The following CADM2 variants were observed in gnomAD, a reference collection of about 807,000 sequenced individuals.
The protein encoded by CADM2 is cell adhesion molecule 2, also known as immunoglobulin superfamily member 4D.
CADM2 carries 12 observed loss-of-function variants against 49.8 expected under a neutral mutation model. That is an observed-to-expected ratio of 0.24 (90% confidence interval 0.15 to 0.39). The LOEUF is 0.39. Among genes scored for constraint, CADM2 ranks in the 10% least tolerant of loss-of-function variants. CADM2 has a pLI of 1.00. For synonymous variants in CADM2, 214 were observed against 175.4 expected, an observed-to-expected ratio of 1.22 and a Z score of -1.74; for missense variants, 378 against 492.3, an observed-to-expected ratio of 0.77 and a Z score of 2.20.
At chr3:85,854,921 A>G (rs2075250281) in intron 3 of CADM2, among the ~76,000 whole-genome samples, 1 of 152,176 alleles carries the variant, frequency 6.6e-6, no homozygotes, top group South Asian at 2.1e-4. Context: ...ACATTGGCCC[A>G]GAATATTCTA....
At chr3:85,594,760 T>A (rs2063197297) in intron 1 of CADM2, among the ~76,000 whole-genome samples, 1 of 152,048 alleles carries the variant, frequency 6.6e-6, no homozygotes, top group South Asian at 2.1e-4. Flanking sequence ...TAAAAATGCT[T>A]TGTTTATAAA....
intron 8 of CADM2, among the ~76,000 whole-genome samples, chr3:86,043,029 GC>G (rs1246290979): frequency 1.3e-5 from 2 of 152,040 alleles, no homozygotes; most frequent in African/African-American, 2.4e-5. Flanking sequence ...AAATTCAACA[GC>G]CCTTCATGCT....
At chr3:85,786,414 T>A (rs977954243) in intron 2 of CADM2, among the ~76,000 whole-genome samples, 2 of 152,060 alleles carry the variant, frequency 1.3e-5, no homozygotes, top group Non-Finnish European at 2.9e-5. Flanking sequence ...TAGGGTAATG[T>A]TCCCCTAGAT....
chr3:85,470,996 A>T (rs1235851159), intron 1 of CADM2, among the ~76,000 whole-genome samples: 1 of 152,222 alleles, frequency 6.6e-6, no homozygotes, highest in Non-Finnish European at 1.5e-5. Context: ...TTTATTGTTT[A>T]ATCATGGTAT....
intron 1 of CADM2, among the ~76,000 whole-genome samples, chr3:85,147,640 G>A (rs62250646): frequency 0.011 from 1,678 of 152,088 alleles, 10 homozygotes; most frequent in Non-Finnish European, 0.018. Flanking sequence ...TCATAGATAT[G>A]TATTCATTTA....
chr3:85,398,725 G>C (rs1233874111), intron 1 of CADM2, among the ~76,000 whole-genome samples: 2 of 152,172 alleles, frequency 1.3e-5, no homozygotes, highest in Admixed American at 6.5e-5. Context: ...GCATCTAATT[G>C]TGGTTTTGAT....
chr3:86,026,587 A>C (rs1733933846), intron 8 of CADM2, among the ~76,000 whole-genome samples: 2 of 152,328 alleles, frequency 1.3e-5, no homozygotes, highest in Admixed American at 1.3e-4. Context: ...AAATGCTACT[A>C]TCAGGTATGT....
rs138551206 is a variant in CADM2, at chr3:85,006,925, C to T, written c.61+47257C>T. 5.1e-3 allele frequency among the ~76,000 whole-genome samples: 782 copies of T among 152,094 alleles called. 6 individuals are homozygous for T. The highest frequency in any genetic ancestry group is 0.018 in the African/African-American group (735 of 41,494). On this transcript the variant is annotated intron_variant, in intron 1 of 9. Coordinates refer to ENST00000383699, the MANE Select transcript of CADM2 (RefSeq NM_001167675.2). ...TGCAACATCTTGACCATTATACATT[C>T]GTGCATTGATTATCCCTTAGGGTAT...
At chr3:85,578,567 C>G (rs1160794506) in intron 1 of CADM2, among the ~76,000 whole-genome samples, 2 of 152,292 alleles carry the variant, frequency 1.3e-5, no homozygotes, top group Non-Finnish European at 2.9e-5. Context: ...GCACTTGAAA[C>G]CATAATTTAT....
chr3:84,985,084 C>T (rs2032476210), intron 1 of CADM2, among the ~76,000 whole-genome samples: 4 of 152,056 alleles, frequency 2.6e-5, no homozygotes, highest in Admixed American at 2.6e-4. Context: ...ATGTTTTGGG[C>T]TGAAGAGTTA....
At chr3:85,226,250 A>ATTTTTT (rs149057525) in intron 1 of CADM2, among the ~76,000 whole-genome samples, 97 of 145,634 alleles carry the variant, frequency 6.7e-4, no homozygotes, top group Middle Eastern at 3.5e-3. Context: ...CTGGTCCTGG[A>ATTTTTT]TTTTTTTTTT....
chr3:85,023,433 T>C (rs2200472), intron 1 of CADM2, among the ~76,000 whole-genome samples: 15,949 of 152,012 alleles, frequency 0.1, 920 homozygotes, highest in Admixed American at 0.15. Flanking sequence ...GCTATATAGA[T>C]TGCACCAATT....
intron 1 of CADM2, among the ~76,000 whole-genome samples, chr3:85,408,759 C>A (rs1486888640): frequency 1.3e-5 from 2 of 152,142 alleles, no homozygotes; most frequent in African/African-American, 4.8e-5. Flanking sequence ...TCTGAAGGAG[C>A]AAACATATTT....
chr3:85,978,184 G>T (rs186858709), intron 8 of CADM2, among the ~76,000 whole-genome samples: 127 of 151,624 alleles, frequency 8.4e-4, no homozygotes, highest in African/African-American at 2.9e-3. Context: ...GACTCTCTGA[G>T]GATCTCACTG....
chr3:85,649,103 C>A (rs2064972411), intron 1 of CADM2, among the ~76,000 whole-genome samples: 1 of 151,930 alleles, frequency 6.6e-6, no homozygotes, highest in South Asian at 2.1e-4. Flanking sequence ...AAATAAATTT[C>A]TATTTTAAAG....
In CADM2 at chr3:85,359,667, T is replaced by TATATATATATATATATA. The variant is rs1491224693; in HGVS notation, c.62-366855_62-366854insATATATATATATATATA. ...ATATATATATATATATATATATATA[T>TATATATATATATATATA]TTTTTTTTTTGGTGGAGGGGAGAAG... On this transcript the variant is annotated intron_variant, in intron 1 of 9. Coordinates refer to ENST00000383699, the MANE Select transcript of CADM2 (RefSeq NM_001167675.2). Among the ~76,000 whole-genome samples the TATATATATATATATATA allele has an allele frequency of 1.8e-3, 29 of 16,454 alleles. 1 individual carries two copies. The highest frequency in any genetic ancestry group is 4.5e-3 in the African/African-American group (24 of 5,360). The allele number at this position is 16,454 out of a possible 152,430, so 10.8% of individuals were successfully genotyped here.
rs971180084 is a variant in CADM2, at chr3:86,069,136, T to C, written c.*2353T>C. The C allele has an allele frequency of 6.6e-6, 1 of 151,976 alleles. No individual in the cohort carries two copies. 9.4% of individuals were successfully genotyped at this position (151,976 alleles called of 1,614,324 possible). A position where few individuals can be genotyped will look rare whatever the true frequency, so the allele number is the denominator to read the frequency against. The stretch of plus-strand genomic sequence containing the variant: ...TTGCTACTCTTCATCGATGCCGTAT[T>C]TACATCCCTCTTCATTTCATCTATA... On this transcript the variant is annotated 3_prime_UTR_variant, in exon 10 of 10. Coordinates refer to ENST00000383699, the MANE Select transcript of CADM2 (RefSeq NM_001167675.2).
intron 1 of CADM2, among the ~76,000 whole-genome samples, chr3:85,637,622 A>AAATAAAATAAAATG (rs2064549454): frequency 7.9e-6 from 1 of 127,360 alleles, no homozygotes; most frequent in Non-Finnish European, 1.7e-5. Flanking sequence ...AAAAAAAAAA[A>AAATAAAATAAAATG]AAATAAAATA....
intron 1 of CADM2, among the ~76,000 whole-genome samples, chr3:85,675,703 T>TTA (rs2107644812): frequency 6.6e-6 from 1 of 152,292 alleles, no homozygotes; most frequent in African/African-American, 2.4e-5. Flanking sequence ...GAGTGCCTTT[T>TTA]TAGGACAGGT....
Sources: gnomAD v4.1 joint callset for allele counts (sites outside exome capture counted in the v4.1 genomes callset) on GRCh38, gnomAD v4.1.1 for gene constraint, MANE v1.5 for transcripts, NCBI Gene and HGNC (gene_info 2026-07-23, HGNC 2026-07-21) for gene names.